Variants in NTN1 observed in about 807,000 individuals in gnomAD.
NTN1 encodes netrin 1.
In NTN1, 11 loss-of-function variants were observed where a neutral mutation model predicts 54.2. That is an observed-to-expected ratio of 0.20 (90% confidence interval 0.13 to 0.34). NTN1 has a LOEUF of 0.34. NTN1 is among the 10% of genes least tolerant of loss of function. The pLI, the probability that NTN1 is intolerant of heterozygous loss-of-function variation, is 1.00. For missense variants in NTN1, 740 were observed against 893.1 expected (o/e 0.83, Z 2.18); for synonymous variants, 371 against 382.0 (o/e 0.97, Z 0.33).
chr17:9,175,243 T>G lies in NTN1; in HGVS notation c.1208-4564T>G, dbSNP rs76436395. The G allele has an allele frequency of 7.4e-3, 1,129 of 152,276 alleles. 13 individuals carry two copies. The highest frequency in any genetic ancestry group is 0.026 in the African/African-American group (1,079 of 41,554). 9.4% of individuals were successfully genotyped at this position (152,276 alleles called of 1,614,324 possible). On this transcript the variant is annotated intron_variant, in intron 3 of 6. Coordinates refer to ENST00000173229, the MANE Select transcript of NTN1 (RefSeq NM_004822.3). Reference sequence around the variant, plus strand: ...CTACTTGGGCACAAGAAACTGACGATGAGAACCACCTGCCATCCAGGTCAG... The same window carrying G: ...CTACTTGGGCACAAGAAACTGACGAGGAGAACCACCTGCCATCCAGGTCAG...
At chr17:9,184,268 C>T (rs1439382764) in intron 5 of NTN1, among the ~76,000 whole-genome samples, 1 of 152,138 alleles carries the variant, frequency 6.6e-6, no homozygotes, top group Non-Finnish European at 1.5e-5. Context: ...TTGAGTCTTG[C>T]GTTGTTTGCA....
chr17:9,238,020 T>C (rs943073457), intron 6 of NTN1, among the ~76,000 whole-genome samples: 2 of 152,172 alleles, frequency 1.3e-5, no homozygotes, highest in Admixed American at 6.5e-5. Flanking sequence ...CCTGGAAGGA[T>C]GACTCGGTTG....
In NTN1 at chr17:9,135,737, G is replaced by A. The variant is rs748008810; in HGVS notation, c.1019-27076G>A. Among the ~76,000 whole-genome samples the A allele has an allele frequency of 1.3e-5, 2 of 152,136 alleles. No homozygotes were observed. Among genetic ancestry groups the A allele is most frequent in the Non-Finnish European group, 2.9e-5 (2 of 68,020 alleles). Reference sequence around the variant, plus strand: ...GGCTCCCTGGAGTAGGCCTGGTGGGGCACTTGTCCTTAGAGCCCTTTCCTG... The same window carrying A: ...GGCTCCCTGGAGTAGGCCTGGTGGGACACTTGTCCTTAGAGCCCTTTCCTG... On this transcript the variant is annotated intron_variant, in intron 2 of 6. Coordinates refer to ENST00000173229, the MANE Select transcript of NTN1 (RefSeq NM_004822.3). The surrounding 1 kb of genome is among the most constrained non-coding windows in gnomAD (Gnocchi z 4.4).
chr17:9,234,211 C>T (rs1229687368), intron 6 of NTN1, among the ~76,000 whole-genome samples: 1 of 152,222 alleles, frequency 6.6e-6, no homozygotes, highest in African/African-American at 2.4e-5. Flanking sequence ...TCTTAGCTCG[C>T]ACTGTCCTGG....
chr17:9,231,555 T>G (rs2142371009), intron 6 of NTN1, among the ~76,000 whole-genome samples: 1 of 152,284 alleles, frequency 6.6e-6, no homozygotes, highest in African/African-American at 2.4e-5. Flanking sequence ...GGGACAGGGC[T>G]CCACACCAGG....
At chr17:9,098,182 G>A (rs1597486802) in intron 2 of NTN1, among the ~76,000 whole-genome samples, 1 of 152,270 alleles carries the variant, frequency 6.6e-6, no homozygotes, top group East Asian at 1.9e-4. Context: ...TCCCTCCCAT[G>A]CCCGTTCCCA....
rs2092371591 is a variant in NTN1, at chr17:9,165,813, T to A, written c.1207+2812T>A. 6.6e-6 allele frequency among the ~76,000 whole-genome samples: 1 copy of A among 152,162 alleles called. No homozygotes were observed. Reference sequence around the variant, plus strand: ...CCTGATTGGTGAGGAAAGACAGGGCTTTGAGGTTTCTGCTTTCTGATTGGT... The same window carrying A: ...CCTGATTGGTGAGGAAAGACAGGGCATTGAGGTTTCTGCTTTCTGATTGGT... On this transcript the variant is annotated intron_variant, in intron 3 of 6. Coordinates refer to ENST00000173229, the MANE Select transcript of NTN1 (RefSeq NM_004822.3). The surrounding 1 kb of genome is among the most constrained non-coding windows in gnomAD (Gnocchi z 4.5).
intron 5 of NTN1, among the ~76,000 whole-genome samples, chr17:9,202,642 A>AC (rs142111846): frequency 0.019 from 2,851 of 152,330 alleles, 98 homozygotes; most frequent in African/African-American, 0.066. Flanking sequence ...AACCTGAGAC[A>AC]CATTATTCAT....
intron 6 of NTN1, among the ~76,000 whole-genome samples, chr17:9,224,422 T>C (rs1166940089): frequency 1.1e-4 from 17 of 152,214 alleles, no homozygotes; most frequent in Non-Finnish European, 8.8e-5. Context: ...CATCGGACCC[T>C]CTGTTCCCTG....
intron 2 of NTN1, among the ~76,000 whole-genome samples, chr17:9,084,313 A>T (rs916307250): frequency 2.8e-4 from 43 of 152,192 alleles, no homozygotes; most frequent in African/African-American, 9.4e-4. Flanking sequence ...CATGCTGGGG[A>T]TAGCCAGAGA....
chr17:9,131,496 G>A (rs2092265001), intron 2 of NTN1, among the ~76,000 whole-genome samples: 1 of 151,882 alleles, frequency 6.6e-6, no homozygotes, highest in Non-Finnish European at 1.5e-5. Flanking sequence ...GTCCATTTTG[G>A]CCTCTCCTCC....
chr17:9,134,299 G>A (rs1318673910), intron 2 of NTN1, among the ~76,000 whole-genome samples: 2 of 152,146 alleles, frequency 1.3e-5, no homozygotes, highest in Non-Finnish European at 1.5e-5. Context: ...AATAACAGCT[G>A]TCCTCTTTCC....
intron 5 of NTN1, among the ~76,000 whole-genome samples, chr17:9,188,418 A>T (rs7223211): frequency 0.9 from 125,387 of 139,652 alleles, 56,380 homozygotes; most frequent in East Asian, 1. Flanking sequence ...ATAAGAGTAA[A>T]ACTCCATCTC....
At chr17:9,036,951 A>T (rs752982806) in intron 2 of NTN1, among the ~76,000 whole-genome samples, 2 of 151,910 alleles carry the variant, frequency 1.3e-5, no homozygotes, top group Admixed American at 6.6e-5. Flanking sequence ...CAGCTCTTCC[A>T]CTTGCAGGGG....
At chr17:9,115,816 G>A (rs972657528) in intron 2 of NTN1, among the ~76,000 whole-genome samples, 6 of 152,358 alleles carry the variant, frequency 3.9e-5, no homozygotes, top group South Asian at 4.1e-4. Context: ...CCGGCCGTGC[G>A]CGGTGGAGGA....
intron 5 of NTN1, among the ~76,000 whole-genome samples, chr17:9,188,796 C>A (rs1463153091): frequency 6.6e-6 from 1 of 152,092 alleles, no homozygotes; most frequent in East Asian, 1.9e-4. Flanking sequence ...CTTCAGTGCT[C>A]TTGGTATAGG....
chr17:9,040,761 C>G (rs1459630311), intron 2 of NTN1, among the ~76,000 whole-genome samples: 1 of 151,246 alleles, frequency 6.6e-6, no homozygotes, highest in Non-Finnish European at 1.5e-5. Flanking sequence ...GGAGAGACCT[C>G]TATTCCTGAC....
In NTN1 at chr17:9,052,105, T is replaced by C. The variant is rs548182615; in HGVS notation, c.1018+28714T>C. 5.3e-5 allele frequency among the ~76,000 whole-genome samples: 8 copies of C among 152,286 alleles called. 1 individual carries two copies. Among genetic ancestry groups the C allele is most frequent in the African/African-American group, 1.9e-4 (8 of 41,552 alleles). Reference sequence around the variant, plus strand: ...CTCCTGCCTCAGACTCTCAAGTTGCTGGGATTACAGGCACGCGCCACCATG... The same window carrying C: ...CTCCTGCCTCAGACTCTCAAGTTGCCGGGATTACAGGCACGCGCCACCATG... On this transcript the variant is annotated intron_variant, in intron 2 of 6. Transcript: ENST00000173229.
At chr17:9,229,327 T>C (rs959392183) in intron 6 of NTN1, among the ~76,000 whole-genome samples, 1 of 152,162 alleles carries the variant, frequency 6.6e-6, no homozygotes, top group Non-Finnish European at 1.5e-5. Context: ...AACTATTCCC[T>C]CCCGCTGCTG....
Sources: allele counts gnomAD v4.1 joint callset (sites outside exome capture counted in the v4.1 genomes callset), GRCh38; gene constraint gnomAD v4.1.1; non-coding constraint Gnocchi (gnomAD v3.1); transcripts MANE v1.5; gene names NCBI Gene and HGNC (gene_info 2026-07-23, HGNC 2026-07-21).